The following ARHGAP39 variants were observed in gnomAD, a reference collection of about 807,000 sequenced individuals.
ARHGAP39 encodes the protein rho GTPase-activating protein 39.
Under a neutral mutation model 106.9 loss-of-function variants are expected in ARHGAP39, and 44 were observed. The ratio of observed to expected loss-of-function variants is 0.41; its 90% CI spans 0.32 to 0.53. The LOEUF (loss-of-function observed/expected upper bound fraction) is 0.53. Among genes scored for constraint, ARHGAP39 ranks in the 20% least tolerant of loss-of-function variants. The probability of loss-of-function intolerance (pLI) is 0.21; values close to 1 mark genes in which losing one functional copy is unlikely to be tolerated. For synonymous variants in ARHGAP39, 768 were observed against 693.2 expected, an observed-to-expected ratio of 1.11 and a Z score of -1.69; for missense variants, 1,496 against 1,577.3, an observed-to-expected ratio of 0.95 and a Z score of 0.87.
chr8:144,559,962 G>A (rs569597835), intron 3 of ARHGAP39, among the ~76,000 whole-genome samples: 2 of 152,224 alleles, frequency 1.3e-5, no homozygotes, highest in East Asian at 1.9e-4. Context: ...CACTCAAAAC[G>A]TTCCAGATCA....
chr8:144,651,375 C>T (rs530868344), intron 1 of ARHGAP39, among the ~76,000 whole-genome samples: 21 of 152,214 alleles, frequency 1.4e-4, no homozygotes, highest in South Asian at 8.3e-4. Flanking sequence ...AAACTACCAA[C>T]GACATTCTTC....
intron 1 of ARHGAP39, among the ~76,000 whole-genome samples, chr8:144,657,828 C>T (rs1214045507): frequency 6.6e-6 from 1 of 152,110 alleles, no homozygotes; most frequent in Non-Finnish European, 1.5e-5. Context: ...TGAAAATAGA[C>T]AGAAACTTCC....
rs553283998 is a variant in ARHGAP39, at chr8:144,559,207, C to CAAAACAA, written c.513-3571_513-3565dup. ...TGGGCGACAGAGCGAGACTCTGTCT[C>CAAAACAA]AAAACAAAAAACAAAAAAACAAAAA... On this transcript the variant is annotated intron_variant, in intron 3 of 11. Coordinates refer to ENST00000377307, the MANE Select transcript of ARHGAP39 (RefSeq NM_025251.3). Among the ~76,000 whole-genome samples the CAAAACAA allele has an allele frequency of 3.5e-4, 52 of 150,572 alleles. No individual in the cohort carries two copies. In the East Asian group the frequency reaches 9.2e-3, roughly 27 times the overall value.
intron 3 of ARHGAP39, 71 bp downstream of exon 3, chr8:144,580,767 ACCACCCCC>A: frequency 4.3e-5 from 1 of 23,346 alleles, no homozygotes; most frequent in Non-Finnish European, 8.0e-5. Flanking sequence ...GGCCCCGCCC[ACCACCCCC>A]TACCTGCCTC....
chr8:144,697,306 G>C, the ARHGAP39 span, among the ~76,000 whole-genome samples: 1 of 114,242 alleles, frequency 8.8e-6, no homozygotes, highest in African/African-American at 3.7e-5. Context: ...GACAGAGCAA[G>C]ATCCCTCTCA....
At chr8:144,643,861 T>C (rs924747537) in intron 1 of ARHGAP39, among the ~76,000 whole-genome samples, 1 of 152,204 alleles carries the variant, frequency 6.6e-6, no homozygotes, top group Non-Finnish European at 1.5e-5. Flanking sequence ...AGAAAGTCTA[T>C]TTTGCTATTG....
At chr8:144,693,127 C>A in the ARHGAP39 span, among the ~76,000 whole-genome samples, 1 of 128,612 alleles carries the variant, frequency 7.8e-6, no homozygotes, top group African/African-American at 3.0e-5. Flanking sequence ...AGCAATGGCA[C>A]TGTCTCGGCT....
chr8:144,547,541 G>A lies in ARHGAP39; in HGVS notation c.1545C>T (p.Asp515=). Residue 515 remains aspartate (D), a synonymous_variant, in exon 5 of 12, where the codon GAC becomes GAT. Coordinates refer to ENST00000377307, the MANE Select transcript of ARHGAP39 (RefSeq NM_025251.3). This position sits in a 1 kb window ranked among gnomAD's most constrained non-coding sequence, Gnocchi z 5.2. ...TSATPTEGPG[D]LLVEQPLAEE... The stretch of plus-strand genomic sequence containing the variant: ...CGGCCAGGGGCTGCTCCACAAGCAG[G>A]TCCCCGGGGCCCTCAGTGGGGGTGG... The A allele has an allele frequency of 1.4e-6, 2 of 1,476,164 alleles. No individual in the cohort carries two copies. The highest frequency in any genetic ancestry group is 1.8e-6 in the Non-Finnish European group (2 of 1,117,098). 91.4% of individuals were successfully genotyped at this position (1,476,164 alleles called of 1,614,324 possible). A position where few individuals can be genotyped will look rare whatever the true frequency, so the allele number is the denominator to read the frequency against.
At chr8:144,613,212 CCT>C (rs1225919412) in intron 1 of ARHGAP39, among the ~76,000 whole-genome samples, 1 of 152,126 alleles carries the variant, frequency 6.6e-6, no homozygotes. Flanking sequence ...GTTATAAATT[CCT>C]CTCTGTTACA....
In ARHGAP39 at chr8:144,555,609, A is replaced by G; in HGVS notation, c.547T>C (p.Tyr183His). 6.2e-7 allele frequency: 1 copy of G among 1,614,014 alleles called. No homozygotes were observed. Among genetic ancestry groups the G allele is most frequent in the Non-Finnish European group, 8.5e-7 (1 of 1,180,018 alleles). Reference protein sequence around the residue: ...SPPGVFLEKDYEIYRDYSADG... With the variant: ...SPPGVFLEKDHEIYRDYSADG... ...GCACTGTAATCCCGGTAAATCTCAT[A>G]GTCCTTCTCAAGGAACACTCCTGGT... The change falls in exon 4 of 12, where the codon TAT becomes CAT. Residue 183 changes from tyrosine (Y) to histidine (H), a missense_variant. Coordinates refer to ENST00000377307, the MANE Select transcript of ARHGAP39 (RefSeq NM_025251.3).
At chr8:144,543,153 T>A (rs1228713278) in intron 6 of ARHGAP39, among the ~76,000 whole-genome samples, 1 of 151,980 alleles carries the variant, frequency 6.6e-6, no homozygotes, top group Non-Finnish European at 1.5e-5. Context: ...TTTTAAAATT[T>A]TTCATAAAGA....
At position 144,530,794 on chromosome 8, in the gene ARHGAP39, G is replaced by A. The variant is rs757163896; in HGVS notation, c.3058C>T (p.His1020Tyr). Residue 1020 changes from histidine to tyrosine, a missense_variant, in exon 11 of 12, where the codon CAC (histidine) becomes TAC (tyrosine). His to Tyr is a moderately conservative substitution (Grantham distance 83). Coordinates refer to ENST00000377307, the MANE Select transcript of ARHGAP39 (RefSeq NM_025251.3). ...ACCGCCGCCTCGGGGCTGTCGTAGT[G>A]CGCGATGCACTGCTCGTAGAACTCG... ...PHEFYEQCIA[H>Y]YDSPEAAVAV... The A allele has an allele frequency of 1.2e-6, 2 of 1,611,966 alleles. No homozygotes were observed. The highest frequency in any genetic ancestry group is 2.2e-5 in the East Asian group (1 of 44,864).
intron 2 of ARHGAP39, among the ~76,000 whole-genome samples, chr8:144,596,153 C>T (rs1031349125): frequency 3.9e-5 from 6 of 152,182 alleles, no homozygotes; most frequent in South Asian, 2.1e-4. Flanking sequence ...GCAGAGGGGA[C>T]GGCTGAGGCC....
chr8:144,624,028 C>T (rs1187592754), intron 1 of ARHGAP39, among the ~76,000 whole-genome samples: 2 of 152,238 alleles, frequency 1.3e-5, no homozygotes, highest in Non-Finnish European at 2.9e-5. Flanking sequence ...GCTGACGGAG[C>T]AGCCTCGTGC....
In ARHGAP39 at chr8:144,684,230, C is replaced by G. The variant is rs1454725211; in HGVS notation, c.-82+1456G>C. ...CTCCAAGCATTTATGGCTACAGAGC[C>G]TGCGCCCAGGGCGGTTTATGGAATG... On this transcript the variant is annotated intron_variant, in intron 1 of 11. Coordinates refer to ENST00000377307, the MANE Select transcript of ARHGAP39 (RefSeq NM_025251.3). The surrounding 1 kb of genome is among the most constrained non-coding windows in gnomAD (Gnocchi z 4.4). Among the ~76,000 whole-genome samples the G allele has an allele frequency of 6.6e-6, 1 of 152,220 alleles. No individual in the cohort carries two copies. The highest frequency in any genetic ancestry group is 2.4e-5 in the African/African-American group (1 of 41,456).
At chr8:144,624,092 C>A (rs1374908564) in intron 1 of ARHGAP39, among the ~76,000 whole-genome samples, 1 of 152,158 alleles carries the variant, frequency 6.6e-6, no homozygotes, top group Non-Finnish European at 1.5e-5. Context: ...CTCACCAGCA[C>A]GCAGGCCTCC....
chr8:144,656,075 T>C (rs922127648), intron 1 of ARHGAP39, among the ~76,000 whole-genome samples: 1 of 152,036 alleles, frequency 6.6e-6, no homozygotes, highest in African/African-American at 2.4e-5. Flanking sequence ...AGAGAATTAG[T>C]TGCCAACAGA....
chr8:144,650,291 G>A (rs1459673802), intron 1 of ARHGAP39, among the ~76,000 whole-genome samples: 1 of 152,120 alleles, frequency 6.6e-6, no homozygotes, highest in Non-Finnish European at 1.5e-5. Context: ...CCTAGGACCT[G>A]ATGGATTCAC....
At position 144,581,187 on chromosome 8, in the gene ARHGAP39, G is replaced by A. The variant is rs1270744030; in HGVS notation, c.171C>T (p.Ala57=). 1.9e-6 allele frequency: 3 copies of A among 1,561,132 alleles called. No homozygotes were observed. The highest frequency in any genetic ancestry group is 2.6e-6 in the Non-Finnish European group (3 of 1,153,252). ...VTGECVWDPP[A]GVRIKRTSEN... The stretch of plus-strand genomic sequence containing the variant: ...CGCTGGTGCGCTTGATGCGGACGCC[G>A]GCCGGCGGGTCCCACACGCACTCAC... Residue 57 remains alanine, a synonymous_variant, in exon 3 of 12, where the codon GCC becomes GCT. Transcript: ENST00000377307.
Sources: gnomAD v4.1 joint callset for allele counts (sites outside exome capture counted in the v4.1 genomes callset) on GRCh38, gnomAD v4.1.1 for gene constraint, Gnocchi (gnomAD v3.1) non-coding constraint, MANE v1.5 for transcripts, NCBI Gene and HGNC (gene_info 2026-07-23, HGNC 2026-07-21) for gene names.